CCDC91: variants seen among roughly 807,000 people sequenced by gnomAD.
The protein encoded by CCDC91 is coiled-coil domain containing 91, also known as coiled-coil domain-containing protein 91.
In CCDC91, 48 loss-of-function variants were observed where a neutral mutation model predicts 63.2. The observed-to-expected ratio is 0.76, with a 90% CI of 0.60 to 0.97. CCDC91 has a LOEUF of 0.97. CCDC91 is among the 50% of genes least tolerant of loss of function. CCDC91 has a pLI of 0.00. For synonymous variants in CCDC91, 167 were observed against 165.8 expected (o/e 1.01, Z -0.06); for missense variants, 500 against 494.6 (o/e 1.01, Z -0.10).
At chr12:28,401,232 G>A (rs955050976) in intron 8 of CCDC91, among the ~76,000 whole-genome samples, 1 of 152,134 alleles carries the variant, frequency 6.6e-6, no homozygotes, top group Non-Finnish European at 1.5e-5. Flanking sequence ...CGATTGCGGA[G>A]GCCTCAGGAA....
At chr12:28,227,246 G>A (rs899517994) in intron 1 of CCDC91, among the ~76,000 whole-genome samples, 2 of 152,070 alleles carry the variant, frequency 1.3e-5, no homozygotes, top group Non-Finnish European at 2.9e-5. Flanking sequence ...AAGTCACTAT[G>A]TGCAGACCAC....
chr12:28,301,051 A>G (rs1938018214), intron 3 of CCDC91, among the ~76,000 whole-genome samples: 1 of 150,818 alleles, frequency 6.6e-6, no homozygotes, highest in African/African-American at 2.4e-5. Context: ...TTCTTTTTTT[A>G]TGGTGCTATT....
At position 28,305,643 on chromosome 12, in the gene CCDC91, C is replaced by G. The variant is rs766499107; in HGVS notation, c.110-6C>G. 1.3e-6 allele frequency: 2 copies of G among 1,597,278 alleles called. No homozygotes were observed. The highest frequency in any genetic ancestry group is 8.5e-7 in the Non-Finnish European group (1 of 1,171,294). On this transcript the variant is annotated splice_polypyrimidine_tract_variant and splice_region_variant and intron_variant, in intron 3 of 12. Transcript: ENST00000536442. ...TATCCTTTTTGTTGTTGTTGTTTTTCTTTAGTATCTGGAGTCCATCTTTCA... is the reference window on the plus strand; with the variant it reads ...TATCCTTTTTGTTGTTGTTGTTTTTGTTTAGTATCTGGAGTCCATCTTTCA...
At chr12:28,242,798 C>T (rs752908379) in intron 1 of CCDC91, among the ~76,000 whole-genome samples, 5 of 152,082 alleles carry the variant, frequency 3.3e-5, no homozygotes, top group East Asian at 1.9e-4. Context: ...CAGTTCCTCA[C>T]GAATGGTTTA....
intron 11 of CCDC91, among the ~76,000 whole-genome samples, chr12:28,476,919 G>A (rs1452642078): frequency 2.0e-5 from 3 of 152,110 alleles, no homozygotes; most frequent in Non-Finnish European, 4.4e-5. Flanking sequence ...GACTAAACCA[G>A]GAAGAAGTTG....
intron 1 of CCDC91, among the ~76,000 whole-genome samples, chr12:28,208,935 G>A (rs1943041520): frequency 6.6e-6 from 1 of 152,002 alleles, no homozygotes. Flanking sequence ...TGAGTAGCTG[G>A]GACTACAGGT....
At chr12:28,191,639 C>G (rs1234228235) in intron 1 of CCDC91, among the ~76,000 whole-genome samples, 1 of 150,952 alleles carries the variant, frequency 6.6e-6, no homozygotes, top group East Asian at 1.9e-4. Context: ...TTCCCCCCCC[C>G]ACAATATTTA....
chr12:28,203,549 A>G (rs1390715589), intron 1 of CCDC91, among the ~76,000 whole-genome samples: 2 of 152,238 alleles, frequency 1.3e-5, no homozygotes, highest in East Asian at 3.8e-4. Flanking sequence ...GTAGCAAACC[A>G]TTTAACAATA....
chr12:28,548,163 T>G (rs12317187), intron 12 of CCDC91, among the ~76,000 whole-genome samples: 15,240 of 152,120 alleles, frequency 0.1, 2,003 homozygotes, highest in African/African-American at 0.3. Context: ...CTTGTTTCGT[T>G]TACCATATGA....
At chr12:28,314,756 T>A (rs940086723) in intron 6 of CCDC91, among the ~76,000 whole-genome samples, 1 of 151,996 alleles carries the variant, frequency 6.6e-6, no homozygotes, top group Non-Finnish European at 1.5e-5. Flanking sequence ...TATATTTTAG[T>A]TGGTCTTACA....
intron 7 of CCDC91, among the ~76,000 whole-genome samples, chr12:28,387,295 C>T (rs1445584474): frequency 2.6e-5 from 4 of 152,156 alleles, no homozygotes; most frequent in African/African-American, 9.7e-5. Flanking sequence ...TGTTGTTATA[C>T]AAGTTCTTTT....
intron 12 of CCDC91, among the ~76,000 whole-genome samples, chr12:28,518,722 T>A (rs1940239820): frequency 6.6e-6 from 1 of 152,098 alleles, no homozygotes; most frequent in Non-Finnish European, 1.5e-5. Context: ...CATGAAATCC[T>A]TGCTTAAGCT....
At chr12:28,255,818 A>G (rs1330502436) in intron 1 of CCDC91, 4 of 152,142 alleles carry the variant, frequency 2.6e-5, no homozygotes, top group Non-Finnish European at 4.4e-5. Flanking sequence ...AATCGTTGAA[A>G]TTAATGTTTT....
intron 11 of CCDC91, among the ~76,000 whole-genome samples, chr12:28,459,440 A>G (rs936314357): frequency 7.2e-5 from 11 of 152,156 alleles, no homozygotes; most frequent in Non-Finnish European, 1.5e-4. Flanking sequence ...TAAAAAATCA[A>G]CTGGGTCTCC....
intron 3 of CCDC91, among the ~76,000 whole-genome samples, chr12:28,289,693 T>TTC (rs1949114564): frequency 1.1e-5 from 1 of 87,546 alleles, no homozygotes; most frequent in Admixed American, 1.0e-4. Flanking sequence ...TTCTTTTTTT[T>TTC]TTTTTTTTTT....
chr12:28,470,126 A>G (rs1327575860), intron 11 of CCDC91, among the ~76,000 whole-genome samples: 3 of 152,100 alleles, frequency 2.0e-5, no homozygotes, highest in Non-Finnish European at 4.4e-5. Context: ...CAAAGGAAAC[A>G]ATCAACAAAA....
intron 11 of CCDC91, among the ~76,000 whole-genome samples, chr12:28,464,109 C>T (rs1393109881): frequency 6.6e-6 from 1 of 152,146 alleles, no homozygotes; most frequent in Admixed American, 6.5e-5. Context: ...CCAGACCAAA[C>T]TTACCTGACT....
chr12:28,479,002 T>G (rs575723194), intron 11 of CCDC91, among the ~76,000 whole-genome samples: 1 of 152,174 alleles, frequency 6.6e-6, no homozygotes, highest in Non-Finnish European at 1.5e-5. Flanking sequence ...GGAACACTTT[T>G]ACACTGTTGG....
chr12:28,192,198 A>C (rs1941318552), intron 1 of CCDC91, among the ~76,000 whole-genome samples: 1 of 152,242 alleles, frequency 6.6e-6, no homozygotes, highest in Non-Finnish European at 1.5e-5. Flanking sequence ...AAATAGAGAA[A>C]AAAGACGTTT....
Sources: allele counts gnomAD v4.1 joint callset (sites outside exome capture counted in the v4.1 genomes callset), GRCh38; gene constraint gnomAD v4.1.1; transcripts MANE v1.5; gene names NCBI Gene and HGNC (gene_info 2026-07-23, HGNC 2026-07-21).